Variants in KIRREL3 observed in about 807,000 individuals in gnomAD.
The protein encoded by KIRREL3 is kirre like nephrin family adhesion molecule 3.
Under a neutral mutation model 89.7 loss-of-function variants are expected in KIRREL3, and 36 were observed. That is an observed-to-expected ratio of 0.40 (90% CI 0.31 to 0.53). KIRREL3 has a LOEUF of 0.53. KIRREL3 is among the 20% of genes least tolerant of loss of function. KIRREL3 has a pLI of 0.49. For synonymous variants in KIRREL3, 445 were observed against 441.4 expected (o/e 1.01, Z -0.10); for missense variants, 864 against 1,056.6 (o/e 0.82, Z 2.53).
At position 126,908,579 on chromosome 11, in the gene KIRREL3, C is replaced by T. The variant is rs1946678906; in HGVS notation, c.55+91876G>A. 6.6e-6 allele frequency among the ~76,000 whole-genome samples: 1 copy of T among 152,184 alleles called. No individual in the cohort carries two copies. Among genetic ancestry groups the T allele is most frequent in the Admixed American group, 6.5e-5 (1 of 15,276 alleles). Reference sequence around the variant, plus strand: ...GGGCATAGGGTAAACGTTCTAGAAACACTGGCTATTACTATTGGTATTATC... The same window carrying T: ...GGGCATAGGGTAAACGTTCTAGAAATACTGGCTATTACTATTGGTATTATC... On this transcript the variant is annotated intron_variant, in intron 1 of 16. Transcript: ENST00000525144. The surrounding 1 kb of genome is among the most constrained non-coding windows in gnomAD (Gnocchi z 4.2).
intron 1 of KIRREL3, among the ~76,000 whole-genome samples, chr11:126,907,554 G>A (rs903031661): frequency 2.6e-5 from 4 of 152,080 alleles, no homozygotes; most frequent in African/African-American, 7.2e-5. Context: ...AGAGAACTTC[G>A]GCAACCACAT....
intron 1 of KIRREL3, among the ~76,000 whole-genome samples, chr11:126,577,592 C>CAAAAAAAAA (rs61210940): frequency 1.7e-5 from 2 of 115,946 alleles, no homozygotes; most frequent in East Asian, 2.7e-4. Context: ...ACTAAAAATA[C>CAAAAAAAAA]AAAAAAAAAA....
intron 1 of KIRREL3, among the ~76,000 whole-genome samples, chr11:126,819,431 G>C (rs945809276): frequency 6.6e-6 from 1 of 152,214 alleles, no homozygotes; most frequent in African/African-American, 2.4e-5. Flanking sequence ...GCATAATAAG[G>C]TGTGGAGGAG....
intron 12 of KIRREL3, among the ~76,000 whole-genome samples, chr11:126,436,337 G>A (rs1444280820): frequency 6.6e-6 from 1 of 152,236 alleles, no homozygotes; most frequent in Admixed American, 6.5e-5. Flanking sequence ...TTGTGTCTGA[G>A]TAACTGGATG....
rs1054256979 is a variant in KIRREL3, at chr11:126,877,115, T to C, written c.55+123340A>G. On this transcript the variant is annotated intron_variant, in intron 1 of 16. Transcript: ENST00000525144. This position sits in a 1 kb window ranked among gnomAD's most constrained non-coding sequence, Gnocchi z 4.9. Reference sequence around the variant, plus strand: ...GGCGACGAGGAGATCTGACAGATGTTCCAAATGAGAAAGAGGAGGACAAGC... The same window carrying C: ...GGCGACGAGGAGATCTGACAGATGTCCCAAATGAGAAAGAGGAGGACAAGC... 2.0e-5 allele frequency among the ~76,000 whole-genome samples: 3 copies of C among 152,062 alleles called. No homozygotes were observed. The highest frequency in any genetic ancestry group is 6.6e-5 in the Admixed American group (1 of 15,264).
intron 6 of KIRREL3, among the ~76,000 whole-genome samples, chr11:126,458,486 T>C (rs568313578): frequency 6.6e-6 from 1 of 152,244 alleles, no homozygotes; most frequent in African/African-American, 2.4e-5. Flanking sequence ...ACATAACTGC[T>C]CAGCTGCCCT....
At position 126,931,851 on chromosome 11, in the gene KIRREL3, T is replaced by C. The variant is rs1947962475; in HGVS notation, c.55+68604A>G. Among the ~76,000 whole-genome samples, 1 of 152,152 alleles carries C rather than the reference T, an allele frequency of 6.6e-6. No homozygotes were observed. The highest frequency in any genetic ancestry group is 1.5e-5 in the Non-Finnish European group (1 of 68,022). On this transcript the variant is annotated intron_variant, in intron 1 of 16. Transcript: ENST00000525144. The surrounding 1 kb of genome is among the most constrained non-coding windows in gnomAD (Gnocchi z 5.1). ...AGCACCCAGGGAGCCCCAGGACACG[T>C]GTTGCCTTCTCACCCCAATAGGAGT...
rs750598417 is a variant in KIRREL3, at chr11:126,440,197, T to C, written c.1353+252A>G. The C allele has an allele frequency of 4.4e-6, 3 of 683,630 alleles. No homozygotes were observed. The South Asian group carries it at 4.5e-5, about 10-fold the overall frequency. 42.3% of individuals were successfully genotyped at this position (683,630 alleles called of 1,614,324 possible). On this transcript the variant is annotated intron_variant, in intron 11 of 16. Transcript: ENST00000525144. Reference sequence around the variant, plus strand: ...CCCTCTGCCCTTAGGATGCGGAATTTGGTCAGAGCCGTTCATGTCAGAGCT... The same window carrying C: ...CCCTCTGCCCTTAGGATGCGGAATTCGGTCAGAGCCGTTCATGTCAGAGCT...
intron 1 of KIRREL3, among the ~76,000 whole-genome samples, chr11:126,901,465 C>A (rs1946368539): frequency 6.6e-6 from 1 of 152,152 alleles, no homozygotes; most frequent in South Asian, 2.1e-4. Flanking sequence ...GCAAATCCAG[C>A]TCCATTCTCT....
chr11:126,478,358 G>T (rs549945090), intron 4 of KIRREL3, among the ~76,000 whole-genome samples: 1 of 152,142 alleles, frequency 6.6e-6, no homozygotes, highest in South Asian at 2.1e-4. Flanking sequence ...TGGTCATTGT[G>T]ATATTGCTGT....
chr11:126,589,770 T>C (rs913969676), intron 1 of KIRREL3, among the ~76,000 whole-genome samples: 1 of 152,188 alleles, frequency 6.6e-6, no homozygotes, highest in African/African-American at 2.4e-5. Flanking sequence ...CACCAGTCAC[T>C]GAAGCTTGGG....
intron 1 of KIRREL3, among the ~76,000 whole-genome samples, chr11:126,691,021 T>A (rs187837535): frequency 3.4e-4 from 52 of 152,340 alleles, no homozygotes; most frequent in Middle Eastern, 6.8e-3. Context: ...AAGAAACACA[T>A]ATGGTCAATA....
intron 1 of KIRREL3, among the ~76,000 whole-genome samples, chr11:126,827,580 G>A (rs1044774800): frequency 5.9e-5 from 9 of 152,148 alleles, no homozygotes; most frequent in African/African-American, 1.9e-4. Flanking sequence ...CACTTTCGAG[G>A]ATATTCATTT....
At chr11:126,922,553 C>T (rs528795357) in intron 1 of KIRREL3, among the ~76,000 whole-genome samples, 1 of 152,078 alleles carries the variant, frequency 6.6e-6, no homozygotes, top group East Asian at 1.9e-4. Flanking sequence ...AAGGTGAATC[C>T]CTCCATCCTC....
chr11:126,624,829 C>T lies in KIRREL3; in HGVS notation c.56-61917G>A, dbSNP rs114806591. Among the ~76,000 whole-genome samples, 302 of 152,276 alleles carry T rather than the reference C, an allele frequency of 2.0e-3. 1 individual carries two copies. Among genetic ancestry groups the T allele is most frequent in the African/African-American group, 7.0e-3 (290 of 41,548 alleles). On this transcript the variant is annotated intron_variant, in intron 1 of 16. Coordinates refer to ENST00000525144, the MANE Select transcript of KIRREL3 (RefSeq NM_032531.4). The surrounding 1 kb of genome is among the most constrained non-coding windows in gnomAD (Gnocchi z 6.0). Reference sequence around the variant, plus strand: ...GGAGGGCAGAGCTGATGGAAGGGCCCGTTGGATACTGACCCAGGGCTTGGG... The same window carrying T: ...GGAGGGCAGAGCTGATGGAAGGGCCTGTTGGATACTGACCCAGGGCTTGGG...
At chr11:126,507,832 C>T (rs1026738476) in intron 4 of KIRREL3, among the ~76,000 whole-genome samples, 2 of 152,192 alleles carry the variant, frequency 1.3e-5, no homozygotes, top group Admixed American at 1.3e-4. Flanking sequence ...GGGGAAGTCC[C>T]GGGGGACCCT....
rs1298381732 is a variant in KIRREL3, at chr11:126,953,951, CA to C, written c.55+46503del. 6.6e-6 allele frequency among the ~76,000 whole-genome samples: 1 copy of C among 152,062 alleles called. No homozygotes were observed. The highest frequency in any genetic ancestry group is 2.4e-5 in the African/African-American group (1 of 41,398). On this transcript the variant is annotated intron_variant, in intron 1 of 16. Coordinates refer to ENST00000525144, the MANE Select transcript of KIRREL3 (RefSeq NM_032531.4). This position sits in a 1 kb window ranked among gnomAD's most constrained non-coding sequence, Gnocchi z 5.2. ...CTTTCTTTGCTGAGGCTAGATTTCACAGGGCAATCTGCTGAGTGACACAACG... is the reference window on the plus strand; with the variant it reads ...CTTTCTTTGCTGAGGCTAGATTTCACGGGCAATCTGCTGAGTGACACAACG...
In KIRREL3 at chr11:126,521,548, A is replaced by G; in HGVS notation, c.284-84T>C. The G allele has an allele frequency of 2.4e-6, 3 of 1,249,646 alleles. No homozygotes were observed. Among genetic ancestry groups the G allele is most frequent in the Non-Finnish European group, 2.2e-6 (2 of 909,732 alleles). The allele number at this position is 1,249,646 out of a possible 1,614,324, so 77.4% of individuals were successfully genotyped here. On this transcript the variant is annotated intron_variant, in intron 3 of 16. Transcript: ENST00000525144. This position sits in a 1 kb window ranked among gnomAD's most constrained non-coding sequence, Gnocchi z 4.1. ...AAAGAGGCACAGAATGGAGGACCCA[A>G]GCAGGGGCCATTCTACAAGGCTGGC... is the stretch of plus-strand genomic sequence containing the variant.
At position 126,954,784 on chromosome 11, in the gene KIRREL3, C is replaced by G. The variant is rs1193367146; in HGVS notation, c.55+45671G>C. On this transcript the variant is annotated intron_variant, in intron 1 of 16. Transcript: ENST00000525144. This position sits in a 1 kb window ranked among gnomAD's most constrained non-coding sequence, Gnocchi z 4.1. ...GATGGCCTGGCTTACCCTTGAACAA[C>G]TTTATCAGAAAGTTTTTTCTCATAG... Among the ~76,000 whole-genome samples, 3 of 152,292 alleles carry G rather than the reference C, an allele frequency of 2.0e-5. No homozygotes were observed. The highest frequency in any genetic ancestry group is 3.9e-4 in the East Asian group (2 of 5,178).
Sources: gnomAD v4.1 joint callset for allele counts (sites outside exome capture counted in the v4.1 genomes callset) on GRCh38, gnomAD v4.1.1 for gene constraint, Gnocchi (gnomAD v3.1) non-coding constraint, MANE v1.5 for transcripts, NCBI Gene and HGNC (gene_info 2026-07-23, HGNC 2026-07-21) for gene names.